USP53: variants seen among roughly 807,000 people sequenced by gnomAD.
USP53 encodes the protein ubiquitin specific peptidase 53.
In USP53, 71 loss-of-function variants were observed where a neutral mutation model predicts 94.9. The ratio of observed to expected loss-of-function variants is 0.75; its 90% CI spans 0.62 to 0.91. The LOEUF (loss-of-function observed/expected upper bound fraction) is 0.91. Among genes scored for constraint, USP53 ranks in the 40% least tolerant of loss-of-function variants. The pLI, the probability that USP53 is intolerant of heterozygous loss-of-function variation, is 0.00. For missense variants in USP53, 1,173 were observed against 1,281.0 expected (o/e 0.92, Z 1.29); for synonymous variants, 375 against 422.7 (o/e 0.89, Z 1.39).
chr4:119,222,503 A>G (rs1744684675), intron 3 of USP53, among the ~76,000 whole-genome samples: 1 of 152,002 alleles, frequency 6.6e-6, no homozygotes. Context: ...TATATCCATG[A>G]GATTATTTAT....
At chr4:119,240,920 T>C (rs1747442941) in intron 5 of USP53, among the ~76,000 whole-genome samples, 1 of 152,162 alleles carries the variant, frequency 6.6e-6, no homozygotes, top group African/African-American at 2.4e-5. Flanking sequence ...CCACTGACAT[T>C]ACTGTGACAA....
chr4:119,290,106 T>C (rs1228376569), intron 17 of USP53, among the ~76,000 whole-genome samples: 2 of 152,146 alleles, frequency 1.3e-5, no homozygotes, highest in Non-Finnish European at 2.9e-5. Context: ...TCCAGTGAAT[T>C]CTCCTAGAAT....
At chr4:119,215,001 A>T (rs1250514576) in intron 2 of USP53, among the ~76,000 whole-genome samples, 1 of 152,200 alleles carries the variant, frequency 6.6e-6, no homozygotes, top group Admixed American at 6.5e-5. Flanking sequence ...TACTTAGAAG[A>T]TCCTTTTTGA....
rs202243242 is a variant in USP53 at position 119,269,829 on chromosome 4, G to A, written c.1427G>A (p.Arg476Gln). The stretch of plus-strand genomic sequence containing the variant: ...AAGGGACAAAGAAAAGATTTAGGAC[G>A]ACATAGAGGTAAGTTAAGATCTTGT... ...LEKGQRKDLGRHRDLVDEDLS... is the reference protein window; with the variant it reads ...LEKGQRKDLGQHRDLVDEDLS... The change falls in exon 15 of 19, where the codon CGA becomes CAA. Residue 476 changes from arginine (R) to glutamine (Q), a missense_variant. By Grantham distance (43) the Arg-to-Gln change is conservative. Transcript: ENST00000692078. 248 of 1,460,482 alleles carry A rather than the reference G, an allele frequency of 1.7e-4. 1 individual carries two copies. The East Asian group carries it at 2.2e-3, about 13-fold the overall frequency. The allele number at this position is 1,460,482 out of a possible 1,614,324, so 90.5% of individuals were successfully genotyped here. A position where few individuals can be genotyped will look rare whatever the true frequency, so the allele number is the denominator to read the frequency against.
intron 3 of USP53, chr4:119,219,353 G>A (rs575035335): frequency 6.6e-6 from 1 of 152,394 alleles, no homozygotes; most frequent in Admixed American, 6.5e-5. Context: ...CATCTTTGGT[G>A]TTCCTTGACT....
Position 119,260,552 on chromosome 4 carries a change from T to C in USP53, c.721T>C (p.Cys241Arg). The C allele has an allele frequency of 6.2e-7, 1 of 1,613,826 alleles. No homozygotes were observed. Among genetic ancestry groups the C allele is most frequent in the Non-Finnish European group, 8.5e-7 (1 of 1,179,826 alleles). ...AAAAATTCGCCGTGTTTTAATGAATTGCCCAGAGATTGTTACAATTGGTTT... is the reference window on the plus strand; with the variant it reads ...AAAAATTCGCCGTGTTTTAATGAATCGCCCAGAGATTGTTACAATTGGTTT... ...KIKIRRVLMN[C>R]PEIVTIGLVW... The change falls in exon 11 of 19, where the codon TGC (cysteine) becomes CGC (arginine). Residue 241 changes from cysteine to arginine, a missense_variant. Coordinates refer to ENST00000692078, the MANE Select transcript of USP53 (RefSeq NM_001371395.1).
At chr4:119,273,875 T>G (rs1190013959) in intron 17 of USP53, among the ~76,000 whole-genome samples, 167 bp downstream of exon 17, 1 of 151,978 alleles carries the variant, frequency 6.6e-6, no homozygotes, top group Non-Finnish European at 1.5e-5. Flanking sequence ...TATGTTTTAA[T>G]GAAGTACATG....
rs546387243 is a variant in USP53, at chr4:119,290,144, G to A, written c.2252-1021G>A. Among the ~76,000 whole-genome samples, 7 of 152,220 alleles carry A rather than the reference G, an allele frequency of 4.6e-5. No homozygotes were observed. The South Asian group carries it at 1.2e-3, about 27-fold the overall frequency. On this transcript the variant is annotated intron_variant, in intron 17 of 18. Transcript: ENST00000692078. The stretch of plus-strand genomic sequence containing the variant: ...TTGTTCAGAGGGAAATAGACCTGCT[G>A]TATTTTATGTGGTGCCATATTGACC...
chr4:119,235,966 C>G (rs902332509), intron 4 of USP53, among the ~76,000 whole-genome samples: 4 of 152,106 alleles, frequency 2.6e-5, no homozygotes, highest in African/African-American at 7.2e-5. Flanking sequence ...TTTATTATTC[C>G]TTAAGGTATT....
intron 17 of USP53, among the ~76,000 whole-genome samples, chr4:119,275,678 T>C (rs1237538281): frequency 6.6e-6 from 1 of 152,026 alleles, no homozygotes. Flanking sequence ...AATCTGTAAA[T>C]TACCTTGGGC....
In USP53 at chr4:119,239,893, G is replaced by A. The variant is rs1175173622; in HGVS notation, c.134G>A (p.Ser45Asn). The A allele has an allele frequency of 1.3e-6, 2 of 1,591,980 alleles. No homozygotes were observed. The highest frequency in any genetic ancestry group is 1.7e-6 in the Non-Finnish European group (2 of 1,170,912). The change falls in exon 5 of 19, where the codon AGC becomes AAC. Residue 45 changes from serine to asparagine, a missense_variant. Ser to Asn is a conservative substitution (Grantham distance 46, BLOSUM62 1). Coordinates refer to ENST00000692078, the MANE Select transcript of USP53 (RefSeq NM_001371395.1). ...GGACAAAACAGCTGCTTTCTTAATAGCGCTGTACAGGTGAGACCATAATTA... is the reference window on the plus strand; with the variant it reads ...GGACAAAACAGCTGCTTTCTTAATAACGCTGTACAGGTGAGACCATAATTA... ...EPGQNSCFLN[S>N]AVQVLWQLDI...
chr4:119,222,740 A>C (rs1744718052), intron 3 of USP53, among the ~76,000 whole-genome samples: 1 of 152,144 alleles, frequency 6.6e-6, no homozygotes, highest in Non-Finnish European at 1.5e-5. Context: ...TATCTTGGCT[A>C]TTGTGAATAA....
chr4:119,275,194 A>T (rs1578544606), intron 17 of USP53, among the ~76,000 whole-genome samples: 2 of 60,304 alleles, frequency 3.3e-5, no homozygotes, highest in Non-Finnish European at 7.0e-5. Flanking sequence ...CTGAATGGTA[A>T]TGCCTAGGTT....
chr4:119,213,643 T>TATATTAG (rs776668143), intron 1 of USP53, among the ~76,000 whole-genome samples: 2 of 134,274 alleles, frequency 1.5e-5, no homozygotes, highest in East Asian at 2.0e-4. Context: ...TGGAAATAGA[T>TATATTAG]ATATATATAT....
At chr4:119,224,919 C>A (rs955722872) in intron 3 of USP53, among the ~76,000 whole-genome samples, 1 of 151,822 alleles carries the variant, frequency 6.6e-6, no homozygotes, top group Non-Finnish European at 1.5e-5. Flanking sequence ...GCAAATTAAG[C>A]CCAAAGTAAG....
intron 15 of USP53, among the ~76,000 whole-genome samples, chr4:119,270,759 T>C (rs943552359): frequency 6.6e-6 from 1 of 152,200 alleles, no homozygotes; most frequent in African/African-American, 2.4e-5. Flanking sequence ...TTCAGCAACA[T>C]CTTTTTTCAC....
chr4:119,255,651 A>G (rs1749660350), intron 7 of USP53, among the ~76,000 whole-genome samples: 1 of 151,828 alleles, frequency 6.6e-6, no homozygotes, highest in African/African-American at 2.4e-5. Flanking sequence ...AGGTACATTC[A>G]CTCACAGCTT....
intron 7 of USP53, among the ~76,000 whole-genome samples, chr4:119,254,995 T>C (rs1749558636): frequency 6.6e-6 from 1 of 152,210 alleles, no homozygotes; most frequent in Admixed American, 6.5e-5. Context: ...GCTGCAGGTC[T>C]GTTGGGGTTT....
chr4:119,222,064 T>C (rs1438385862), intron 3 of USP53, among the ~76,000 whole-genome samples: 1 of 152,252 alleles, frequency 6.6e-6, no homozygotes. Context: ...TATTTGGTGA[T>C]TTTTCAAGCT....
Sources: gnomAD v4.1 joint callset for allele counts (sites outside exome capture counted in the v4.1 genomes callset) on GRCh38, gnomAD v4.1.1 for gene constraint, MANE v1.5 for transcripts, NCBI Gene and HGNC (gene_info 2026-07-23, HGNC 2026-07-21) for gene names.